The following UVRAG variants were observed in gnomAD, a reference collection of about 807,000 sequenced individuals.
The protein encoded by UVRAG is UV radiation resistance-associated gene protein.
Under a neutral mutation model 78.0 loss-of-function variants are expected in UVRAG, and 19 were observed. That is an observed-to-expected ratio of 0.24 (90% CI 0.17 to 0.36). The LOEUF (loss-of-function observed/expected upper bound fraction) is 0.36. UVRAG is among the 10% of genes least tolerant of loss of function. The pLI is 1.00. For synonymous variants in UVRAG, 323 were observed against 324.6 expected (o/e 1.00, Z 0.05); for missense variants, 740 against 853.8 (o/e 0.87, Z 1.66).
At chr11:75,944,424 C>T (rs975849892) in intron 6 of UVRAG, among the ~76,000 whole-genome samples, 2 of 152,076 alleles carry the variant, frequency 1.3e-5, no homozygotes, top group African/African-American at 4.8e-5. Context: ...AAAGATAGGT[C>T]GACTGGTAAC....
intron 2 of UVRAG, among the ~76,000 whole-genome samples, chr11:75,854,208 G>A (rs973535792): frequency 6.6e-6 from 1 of 152,118 alleles, no homozygotes; most frequent in Non-Finnish European, 1.5e-5. Flanking sequence ...TCTTTATCAG[G>A]TTCTGTCTTG....
chr11:75,918,326 C>T (rs1039832439), intron 6 of UVRAG, among the ~76,000 whole-genome samples: 1 of 150,628 alleles, frequency 6.6e-6, no homozygotes, highest in Non-Finnish European at 1.5e-5. Flanking sequence ...TGCAGTGAGC[C>T]GAGATCGCGC....
chr11:76,054,177 A>G (rs7938386), intron 12 of UVRAG, among the ~76,000 whole-genome samples: 9,215 of 151,890 alleles, frequency 0.061, 421 homozygotes, highest in East Asian at 0.27. Context: ...AAAGATGGCA[A>G]TTCCATTCTG....
intron 11 of UVRAG, among the ~76,000 whole-genome samples, chr11:76,010,433 A>G (rs1950029710): frequency 6.6e-6 from 1 of 152,200 alleles, no homozygotes. Context: ...GCAGTCAGAG[A>G]AGACCTCTCT....
At chr11:75,994,884 T>A (rs946775312) in intron 8 of UVRAG, among the ~76,000 whole-genome samples, 1 of 152,242 alleles carries the variant, frequency 6.6e-6, no homozygotes, top group African/African-American at 2.4e-5. Flanking sequence ...ATAGTATGGC[T>A]GAAGTGAATT....
chr11:75,856,595 C>A (rs1445506376), intron 2 of UVRAG, among the ~76,000 whole-genome samples: 5 of 152,170 alleles, frequency 3.3e-5, no homozygotes. Context: ...TAGGCACACA[C>A]CACCATGCCT....
chr11:75,931,271 A>G (rs977894256), intron 6 of UVRAG, among the ~76,000 whole-genome samples: 23 of 152,126 alleles, frequency 1.5e-4, no homozygotes, highest in Non-Finnish European at 2.9e-5. Flanking sequence ...CTGGAGATAC[A>G]AATGTCACGT....
chr11:75,897,490 A>G (rs1472634712), intron 5 of UVRAG, among the ~76,000 whole-genome samples: 1 of 152,180 alleles, frequency 6.6e-6, no homozygotes. Context: ...TCTATGCTAC[A>G]GATGATAACT....
In UVRAG at chr11:76,141,736, G is replaced by A. The variant is rs1171317107; in HGVS notation, c.*323G>A. 2 of 295,156 alleles carry A rather than the reference G, an allele frequency of 6.8e-6. No homozygotes were observed. Among genetic ancestry groups the A allele is most frequent in the Non-Finnish European group, 1.3e-5 (2 of 156,932 alleles). The allele number at this position is 295,156 out of a possible 1,614,324, so 18.3% of individuals were successfully genotyped here. A position where few individuals can be genotyped will look rare whatever the true frequency, so the allele number is the denominator to read the frequency against. ...TACCCTTGTATGTTATCCTCAGAGG[G>A]AAGATGATAATATATAAATAATATA... On this transcript the variant is annotated 3_prime_UTR_variant, in exon 15 of 15. Transcript: ENST00000356136.
intron 4 of UVRAG, 56 bp downstream of exon 4, chr11:75,880,096 C>G (rs990362324): frequency 6.3e-7 from 1 of 1,582,640 alleles, no homozygotes; most frequent in Admixed American, 1.8e-5. Context: ...ACGTGTCTAA[C>G]CTTTCTGTTG....
At chr11:76,057,536 A>G (rs1951006072) in intron 12 of UVRAG, among the ~76,000 whole-genome samples, 1 of 152,220 alleles carries the variant, frequency 6.6e-6, no homozygotes, top group African/African-American at 2.4e-5. Context: ...GGACTGGTTA[A>G]TAAATGTAAC....
At chr11:75,910,222 T>C (rs193241796) in intron 5 of UVRAG, among the ~76,000 whole-genome samples, 110 of 152,330 alleles carry the variant, frequency 7.2e-4, no homozygotes, top group Admixed American at 7.1e-3. Context: ...TGTAGTGATA[T>C]AACTTTTAAT....
chr11:76,066,922 A>G (rs1006436070), intron 13 of UVRAG, among the ~76,000 whole-genome samples: 5 of 152,208 alleles, frequency 3.3e-5, no homozygotes, highest in Non-Finnish European at 5.9e-5. Flanking sequence ...TTACCAAAGT[A>G]ATAAGATTTA....
At chr11:76,028,307 T>G (rs1950368397) in intron 12 of UVRAG, among the ~76,000 whole-genome samples, 1 of 152,094 alleles carries the variant, frequency 6.6e-6, no homozygotes, top group Non-Finnish European at 1.5e-5. Flanking sequence ...CAAACCTCCA[T>G]AGTCCCTGAG....
Position 76,093,844 on chromosome 11 carries a change from CTTTA to C in UVRAG, c.1306-22076_1306-22073del, listed in dbSNP as rs927151107. 5.1e-4 allele frequency among the ~76,000 whole-genome samples: 77 copies of C among 152,246 alleles called. 1 individual carries two copies. The highest frequency in any genetic ancestry group is 6.8e-3 in the Middle Eastern group (2 of 294). ...CTTCCTCTTTTCCTAATTGAATACC[CTTTA>C]TTTCTTTCTCCTGCCTGATTGCCCT... On this transcript the variant is annotated intron_variant, in intron 13 of 14. Transcript: ENST00000356136.
At chr11:76,050,569 T>C (rs1950845312) in intron 12 of UVRAG, among the ~76,000 whole-genome samples, 1 of 152,176 alleles carries the variant, frequency 6.6e-6, no homozygotes, top group Admixed American at 6.5e-5. Flanking sequence ...AAGAATACTT[T>C]TTGATTTCAG....
At chr11:75,861,630 G>T in intron 2 of UVRAG, 116 bp from the exon 3 acceptor site, 5 of 657,904 alleles carry the variant, frequency 7.6e-6, no homozygotes, top group Middle Eastern at 3.9e-4. Context: ...TAAATCCCTT[G>T]AAAATATTTT....
At chr11:75,929,738 T>C (rs1367201352) in intron 6 of UVRAG, among the ~76,000 whole-genome samples, 2 of 152,320 alleles carry the variant, frequency 1.3e-5, no homozygotes, top group African/African-American at 4.8e-5. Flanking sequence ...TAACAGCCAC[T>C]GGTGCTTAGC....
rs141617345 is a variant in UVRAG at position 76,020,322 on chromosome 11, A to C, written c.1226+3342A>C. On this transcript the variant is annotated intron_variant, in intron 12 of 14. Coordinates refer to ENST00000356136, the MANE Select transcript of UVRAG (RefSeq NM_003369.4). ...ACCCCAAAAGCCCATTTGGTGCTCTACTCCACTGTGGCCAAGCTGGTACCT... is the reference window on the plus strand; with the variant it reads ...ACCCCAAAAGCCCATTTGGTGCTCTCCTCCACTGTGGCCAAGCTGGTACCT... 7.4e-3 allele frequency among the ~76,000 whole-genome samples: 1,132 copies of C among 151,984 alleles called. 10 individuals carry two copies. Among genetic ancestry groups the C allele is most frequent in the Non-Finnish European group, 0.011 (753 of 67,966 alleles).
Sources: allele counts gnomAD v4.1 joint callset (sites outside exome capture counted in the v4.1 genomes callset), GRCh38; gene constraint gnomAD v4.1.1; transcripts MANE v1.5; gene names NCBI Gene and HGNC (gene_info 2026-07-23, HGNC 2026-07-21).